CNTN5: variants seen among roughly 807,000 people sequenced by gnomAD.
The protein encoded by CNTN5 is contactin 5.
CNTN5 carries 77 observed loss-of-function variants against 129.1 expected under a neutral mutation model. The ratio of observed to expected loss-of-function variants is 0.60; its 90% CI spans 0.50 to 0.72. The LOEUF is 0.72. Ranked by LOEUF, CNTN5 falls within the 30% of genes least tolerant of loss-of-function variation. The pLI is 0.00. For synonymous variants in CNTN5, 509 were observed against 465.6 expected, an observed-to-expected ratio of 1.09 and a Z score of -1.20; for missense variants, 1,478 against 1,328.8, an observed-to-expected ratio of 1.11 and a Z score of -1.75.
intron 1 of CNTN5, among the ~76,000 whole-genome samples, chr11:99,313,557 A>T (rs912841680): frequency 6.6e-6 from 1 of 152,040 alleles, no homozygotes; most frequent in African/African-American, 2.4e-5. Context: ...TGGGGATCCT[A>T]TCTGCTCCAG....
intron 3 of CNTN5, among the ~76,000 whole-genome samples, chr11:99,672,560 C>T (rs1010451082): frequency 3.3e-5 from 5 of 151,198 alleles, no homozygotes; most frequent in Middle Eastern, 3.2e-3. Flanking sequence ...ATACTCTGCA[C>T]GAGCAAGAGG....
At chr11:99,445,095 T>A (rs952415963) in intron 2 of CNTN5, among the ~76,000 whole-genome samples, 3 of 148,586 alleles carry the variant, frequency 2.0e-5, no homozygotes, top group Non-Finnish European at 4.5e-5. Context: ...TATATTTGTA[T>A]ATTTATATAT....
intron 3 of CNTN5, among the ~76,000 whole-genome samples, chr11:99,733,353 A>C (rs1022005337): frequency 1.3e-5 from 2 of 148,704 alleles, no homozygotes; most frequent in African/African-American, 2.5e-5. Flanking sequence ...TAATGTGGCC[A>C]TTTTCTGGGG....
chr11:99,463,505 A>C (rs1944814948), intron 2 of CNTN5, among the ~76,000 whole-genome samples: 4 of 151,428 alleles, frequency 2.6e-5, no homozygotes, highest in Admixed American at 2.6e-4. Flanking sequence ...GAAGAATTGA[A>C]CTCATTATAC....
chr11:100,175,538 C>T (rs1363702389), intron 13 of CNTN5, among the ~76,000 whole-genome samples: 2 of 152,016 alleles, frequency 1.3e-5, no homozygotes, highest in Admixed American at 6.6e-5. Context: ...GTATGCAGTA[C>T]TTGGAAAACA....
intron 6 of CNTN5, among the ~76,000 whole-genome samples, chr11:99,900,683 G>A (rs1184599059): frequency 6.6e-6 from 1 of 151,872 alleles, no homozygotes; most frequent in Non-Finnish European, 1.5e-5. Context: ...ATCTTGAAGA[G>A]GTCAAATGAT....
chr11:99,045,544 A>T (rs1192563755), intron 1 of CNTN5, among the ~76,000 whole-genome samples: 1 of 152,232 alleles, frequency 6.6e-6, no homozygotes, highest in Non-Finnish European at 1.5e-5. Flanking sequence ...AATAAATTAC[A>T]AAAGATTTTA....
intron 4 of CNTN5, among the ~76,000 whole-genome samples, chr11:99,838,427 C>T (rs7934514): frequency 0.68 from 103,002 of 151,952 alleles, 34,900 homozygotes; most frequent in East Asian, 0.72. Flanking sequence ...ATAATTTTCT[C>T]ACAATTAATA....
intron 2 of CNTN5, among the ~76,000 whole-genome samples, chr11:99,546,320 G>A (rs1948289341): frequency 6.6e-6 from 1 of 152,168 alleles, no homozygotes; most frequent in South Asian, 2.1e-4. Flanking sequence ...CTTTGAGGGA[G>A]GGGAGGGTGG....
intron 3 of CNTN5, among the ~76,000 whole-genome samples, chr11:99,607,373 G>C (rs1950454887): frequency 6.7e-6 from 1 of 148,270 alleles, no homozygotes; most frequent in South Asian, 2.2e-4. Flanking sequence ...GGCCATCAGA[G>C]AAATGCAAAT....
At chr11:99,923,555 C>T (rs948860301) in intron 7 of CNTN5, among the ~76,000 whole-genome samples, 5 of 152,144 alleles carry the variant, frequency 3.3e-5, no homozygotes, top group East Asian at 3.9e-4. Context: ...CAAAAGCTTA[C>T]GTTGAAGTGG....
chr11:99,470,565 C>T (rs1400109120), intron 2 of CNTN5, among the ~76,000 whole-genome samples: 1 of 152,018 alleles, frequency 6.6e-6, no homozygotes, highest in Non-Finnish European at 1.5e-5. Context: ...AGTAGAAAAT[C>T]TGAAAATAAT....
chr11:99,857,368 G>A (rs906038257), intron 6 of CNTN5, among the ~76,000 whole-genome samples: 1 of 152,028 alleles, frequency 6.6e-6, no homozygotes, highest in Non-Finnish European at 1.5e-5. Context: ...TACCACAGTA[G>A]CCACTACCCT....
At chr11:99,166,120 A>G (rs1860853234) in intron 1 of CNTN5, among the ~76,000 whole-genome samples, 1 of 152,166 alleles carries the variant, frequency 6.6e-6, no homozygotes, top group Admixed American at 6.6e-5. Flanking sequence ...ATGAGTAATT[A>G]TGACTGGGCA....
At chr11:99,734,227 C>T (rs1943627162) in intron 3 of CNTN5, among the ~76,000 whole-genome samples, 2 of 152,160 alleles carry the variant, frequency 1.3e-5, no homozygotes, top group Admixed American at 1.3e-4. Flanking sequence ...ATTTATCCTT[C>T]CATTGTGTTA....
At chr11:99,598,458 CTT>C (rs1950213627) in intron 3 of CNTN5, among the ~76,000 whole-genome samples, 1 of 141,082 alleles carries the variant, frequency 7.1e-6, no homozygotes, top group Non-Finnish European at 1.5e-5. Context: ...TCCTTCCTTC[CTT>C]TTTCCCTTCC....
At chr11:99,989,754 A>G (rs1938936839) in intron 8 of CNTN5, among the ~76,000 whole-genome samples, 1 of 151,992 alleles carries the variant, frequency 6.6e-6, no homozygotes, top group African/African-American at 2.4e-5. Context: ...AAAATTTTAA[A>G]AGTTTGCTCT....
chr11:99,795,450 A>G (rs1239192790), intron 3 of CNTN5, among the ~76,000 whole-genome samples: 1 of 152,058 alleles, frequency 6.6e-6, no homozygotes, highest in African/African-American at 2.4e-5. Context: ...ATTAAGAATC[A>G]TTTTCTGGGG....
At chr11:99,089,965 T>C (rs2135312980) in intron 1 of CNTN5, among the ~76,000 whole-genome samples, 1 of 152,300 alleles carries the variant, frequency 6.6e-6, no homozygotes, top group Non-Finnish European at 1.5e-5. Context: ...CAGATAGACA[T>C]TTACTATGGT....
Sources: allele counts gnomAD v4.1 joint callset (sites outside exome capture counted in the v4.1 genomes callset), GRCh38; gene constraint gnomAD v4.1.1; transcripts MANE v1.5; gene names NCBI Gene and HGNC (gene_info 2026-07-23, HGNC 2026-07-21).